The following KAZN variants were observed in gnomAD, a reference collection of about 807,000 sequenced individuals.
The protein encoded by KAZN is kazrin.
A neutral mutation model predicts 87.4 loss-of-function variants in KAZN; 40 were observed. The observed-to-expected ratio is 0.46, with a 90% CI of 0.36 to 0.60. The LOEUF (loss-of-function observed/expected upper bound fraction) is 0.60, where lower values mean the gene tolerates loss of function less well. KAZN is among the 20% of genes least tolerant of loss of function. The probability of loss-of-function intolerance (pLI) is 0.00; values close to 1 mark genes in which losing one functional copy is unlikely to be tolerated. For synonymous variants in KAZN, 466 were observed against 458.3 expected, an observed-to-expected ratio of 1.02 and a Z score of -0.22; for missense variants, 898 against 1,073.9, an observed-to-expected ratio of 0.84 and a Z score of 2.29.
intron 2 of KAZN, among the ~76,000 whole-genome samples, chr1:14,484,213 G>A (rs1049998328): frequency 6.6e-6 from 1 of 152,112 alleles, no homozygotes; most frequent in African/African-American, 2.4e-5. Context: ...CCTCCAGTTT[G>A]GCTCTCTTTG....
At chr1:15,043,801 C>G (rs1021762592) in intron 3 of KAZN, among the ~76,000 whole-genome samples, 188 bp from the exon 4 acceptor site, 1 of 152,020 alleles carries the variant, frequency 6.6e-6, no homozygotes, top group Non-Finnish European at 1.5e-5. Context: ...CGCCACCATG[C>G]CTGGCTAATT....
chr1:14,971,665 T>G (rs1665046913), intron 2 of KAZN, among the ~76,000 whole-genome samples: 2 of 149,548 alleles, frequency 1.3e-5, no homozygotes, highest in African/African-American at 5.0e-5. Flanking sequence ...GGAGTTGTTT[T>G]TTTTTTTTTC....
chr1:14,625,757 G>A (rs1037705127), intron 1 of KAZN, among the ~76,000 whole-genome samples: 2 of 152,206 alleles, frequency 1.3e-5, no homozygotes, highest in African/African-American at 2.4e-5. Context: ...AGGTTTGTGC[G>A]TTGGACGATG....
At chr1:14,049,173 G>A (rs566316125) in intron 1 of KAZN, among the ~76,000 whole-genome samples, 87 of 152,250 alleles carry the variant, frequency 5.7e-4, no homozygotes, top group Middle Eastern at 3.4e-3. Context: ...TAGGGACATG[G>A]ATGAAGCTGG....
chr1:14,966,857 A>C (rs1161442628), intron 2 of KAZN, among the ~76,000 whole-genome samples: 1 of 151,984 alleles, frequency 6.6e-6, no homozygotes, highest in African/African-American at 2.4e-5. Flanking sequence ...TTTTAATAGG[A>C]CTGGGTTTCA....
intron 2 of KAZN, among the ~76,000 whole-genome samples, chr1:14,514,121 C>T (rs191339607): frequency 6.8e-5 from 10 of 148,114 alleles, no homozygotes; most frequent in African/African-American, 2.5e-4. Context: ...GAGATCGAGA[C>T]CACCCTGGCT....
chr1:13,979,969 A>G (rs1420205989), intron 1 of KAZN, among the ~76,000 whole-genome samples: 1 of 151,988 alleles, frequency 6.6e-6, no homozygotes, highest in African/African-American at 2.4e-5. Flanking sequence ...AAATTTGCAT[A>G]GAATTAAAAT....
chr1:14,065,586 C>T (rs1642976636), intron 1 of KAZN, among the ~76,000 whole-genome samples: 1 of 151,418 alleles, frequency 6.6e-6, no homozygotes, highest in Non-Finnish European at 1.5e-5. Flanking sequence ...AAAAAAAGCT[C>T]CCAAAGGAAA....
At chr1:14,600,051 T>G (rs1676832593) in intron 1 of KAZN, among the ~76,000 whole-genome samples, 1 of 152,214 alleles carries the variant, frequency 6.6e-6, no homozygotes, top group Admixed American at 6.5e-5. Context: ...TAAAATGTAC[T>G]GTTTGGTTTC....
At chr1:14,215,190 G>T (rs1646934354) in intron 2 of KAZN, among the ~76,000 whole-genome samples, 1 of 152,152 alleles carries the variant, frequency 6.6e-6, no homozygotes, top group South Asian at 2.1e-4. Context: ...AGCCCTTCAG[G>T]AAATTCTTCT....
intron 8 of KAZN, 29 bp downstream of exon 8, chr1:15,065,782 G>A (rs1286617405): frequency 6.2e-7 from 1 of 1,611,962 alleles, no homozygotes; most frequent in Non-Finnish European, 8.5e-7. Context: ...ACATAGAGGA[G>A]GACGCGGACT....
intron 1 of KAZN, among the ~76,000 whole-genome samples, chr1:14,601,435 G>A: frequency 6.6e-6 from 1 of 151,352 alleles, no homozygotes; most frequent in East Asian, 1.9e-4. Context: ...AAGTTTGGGG[G>A]ATTTTTTTTT....
intron 2 of KAZN, among the ~76,000 whole-genome samples, chr1:14,433,819 C>T (rs1398165604): frequency 1.3e-5 from 2 of 152,314 alleles, no homozygotes; most frequent in African/African-American, 4.8e-5. Context: ...GAGATGGTGT[C>T]ACTGCACTCC....
intron 1 of KAZN, among the ~76,000 whole-genome samples, chr1:14,951,239 A>C (rs1390070021): frequency 1.3e-5 from 2 of 150,838 alleles, no homozygotes; most frequent in African/African-American, 5.0e-5. Flanking sequence ...GTCCACTGGC[A>C]AAGACTCCCA....
At chr1:14,191,152 T>C (rs1646412775) in intron 2 of KAZN, among the ~76,000 whole-genome samples, 2 of 152,326 alleles carry the variant, frequency 1.3e-5, no homozygotes, top group East Asian at 3.9e-4. Context: ...ATTGAATGCA[T>C]TTAAGCAAAG....
chr1:14,758,680 C>T (rs951401310), intron 1 of KAZN, among the ~76,000 whole-genome samples: 3 of 152,138 alleles, frequency 2.0e-5, no homozygotes, highest in Non-Finnish European at 2.9e-5. Flanking sequence ...CAGGCAGCAG[C>T]TTGGATGAGC....
At chr1:14,519,404 G>A (rs928239521) in intron 2 of KAZN, among the ~76,000 whole-genome samples, 1 of 152,164 alleles carries the variant, frequency 6.6e-6, no homozygotes, top group African/African-American at 2.4e-5. Flanking sequence ...GAAAGGACTT[G>A]TCTGAGAAAA....
intron 1 of KAZN, among the ~76,000 whole-genome samples, chr1:13,994,884 AAAC>A (rs1639437572): frequency 6.6e-6 from 1 of 151,984 alleles, no homozygotes; most frequent in Admixed American, 6.6e-5. Flanking sequence ...ACAAACAAAC[AAAC>A]AAACAAACAA....
At chr1:14,345,259 C>T (rs968980916) in intron 2 of KAZN, among the ~76,000 whole-genome samples, 8 of 152,168 alleles carry the variant, frequency 5.3e-5, no homozygotes, top group Non-Finnish European at 8.8e-5. Context: ...GAGGCGTAAA[C>T]CAGTGGTTAT....
Sources: gnomAD v4.1 joint callset for allele counts (sites outside exome capture counted in the v4.1 genomes callset) on GRCh38, gnomAD v4.1.1 for gene constraint, MANE v1.5 for transcripts, NCBI Gene and HGNC (gene_info 2026-07-23, HGNC 2026-07-21) for gene names.